Variants in GRID2 observed in about 807,000 individuals in gnomAD.
GRID2 encodes glutamate ionotropic receptor delta type subunit 2.
GRID2 carries 33 observed loss-of-function variants against 114.8 expected under a neutral mutation model. The observed-to-expected ratio is 0.29, with a 90% CI of 0.22 to 0.38. The LOEUF is 0.38. GRID2 is among the 10% of genes least tolerant of loss of function. GRID2 has a pLI of 1.00. For synonymous variants in GRID2, 505 were observed against 449.9 expected (o/e 1.12, Z -1.55); for missense variants, 1,184 against 1,257.7 (o/e 0.94, Z 0.89).
chr4:92,443,334 A>G (rs1733226295), intron 1 of GRID2, among the ~76,000 whole-genome samples: 1 of 152,120 alleles, frequency 6.6e-6, no homozygotes, highest in East Asian at 1.9e-4. Flanking sequence ...TGCAGAAGAA[A>G]ATAAGGCATT....
chr4:93,449,672 T>G (rs960576010), intron 10 of GRID2, among the ~76,000 whole-genome samples: 4 of 152,018 alleles, frequency 2.6e-5, no homozygotes, highest in African/African-American at 7.2e-5. Context: ...TATAGGTGAT[T>G]GAAAAGCTAT....
chr4:93,073,816 A>C (rs762587382), intron 2 of GRID2, among the ~76,000 whole-genome samples: 15 of 152,190 alleles, frequency 9.9e-5, no homozygotes, highest in Non-Finnish European at 1.9e-4. Context: ...CTCTCCAGAG[A>C]CCAATCACAA....
intron 1 of GRID2, among the ~76,000 whole-genome samples, chr4:92,379,925 C>A (rs906483535): frequency 6.6e-6 from 1 of 151,832 alleles, no homozygotes; most frequent in Non-Finnish European, 1.5e-5. Context: ...TGTAGAGGTG[C>A]CAGGCTGCAC....
At chr4:92,805,087 A>G (rs1056715202) in intron 2 of GRID2, among the ~76,000 whole-genome samples, 2 of 152,000 alleles carry the variant, frequency 1.3e-5, no homozygotes, top group African/African-American at 4.8e-5. Context: ...GCAGATAGGT[A>G]ACTATTATTA....
intron 13 of GRID2, among the ~76,000 whole-genome samples, chr4:93,565,146 G>A (rs1382673137): frequency 2.6e-5 from 4 of 151,768 alleles, no homozygotes; most frequent in Non-Finnish European, 5.9e-5. Flanking sequence ...TCTCTTAAAA[G>A]TATAACAATA....
chr4:92,813,152 T>C (rs1482536484), intron 2 of GRID2, among the ~76,000 whole-genome samples: 1 of 152,142 alleles, frequency 6.6e-6, no homozygotes, highest in Non-Finnish European at 1.5e-5. Flanking sequence ...TGAAGGAAAT[T>C]ATGATAAAAA....
At chr4:93,005,977 T>TTTATTTATGATTGC (rs1417703571) in intron 2 of GRID2, among the ~76,000 whole-genome samples, 1 of 152,046 alleles carries the variant, frequency 6.6e-6, no homozygotes, top group Non-Finnish European at 1.5e-5. Context: ...TCTAACTTAG[T>TTTATTTATGATTGC]TTATTTATGA....
intron 2 of GRID2, among the ~76,000 whole-genome samples, chr4:92,882,042 G>T (rs902169014): frequency 1.3e-5 from 2 of 152,134 alleles, no homozygotes; most frequent in Admixed American, 6.6e-5. Flanking sequence ...GCCAGCTGGG[G>T]CAGATTATGG....
At chr4:92,848,632 A>C (rs960833271) in intron 2 of GRID2, among the ~76,000 whole-genome samples, 1 of 151,910 alleles carries the variant, frequency 6.6e-6, no homozygotes, top group Admixed American at 6.6e-5. Flanking sequence ...TTGTCAAGTT[A>C]ATGGGTAACT....
At chr4:93,694,443 A>G (rs1474057887) in intron 14 of GRID2, among the ~76,000 whole-genome samples, 1 of 152,182 alleles carries the variant, frequency 6.6e-6, no homozygotes, top group East Asian at 1.9e-4. Context: ...TGCTTTGGCT[A>G]CTGTCATGTA....
intron 1 of GRID2, among the ~76,000 whole-genome samples, chr4:92,538,363 T>C (rs1725756928): frequency 6.6e-6 from 1 of 152,222 alleles, no homozygotes; most frequent in Non-Finnish European, 1.5e-5. Flanking sequence ...AAATTGAGTG[T>C]ACAGGGATGC....
At chr4:93,482,798 A>G (rs147696586) in intron 11 of GRID2, among the ~76,000 whole-genome samples, 18 of 152,122 alleles carry the variant, frequency 1.2e-4, no homozygotes, top group African/African-American at 4.3e-4. Context: ...TCCCTACCAC[A>G]AAAAGCCATC....
chr4:92,767,979 T>C (rs1420379214), intron 2 of GRID2, among the ~76,000 whole-genome samples: 1 of 152,108 alleles, frequency 6.6e-6, no homozygotes, highest in East Asian at 1.9e-4. Flanking sequence ...TTACTTATGC[T>C]TATTTTGTAT....
At chr4:93,107,683 C>A (rs115738006) in intron 3 of GRID2, among the ~76,000 whole-genome samples, 3 of 152,000 alleles carry the variant, frequency 2.0e-5, no homozygotes, top group South Asian at 2.1e-4. Flanking sequence ...TTAGTAGAGA[C>A]GAGGTTTACC....
intron 1 of GRID2, among the ~76,000 whole-genome samples, chr4:92,320,363 A>G (rs964846127): frequency 5.3e-5 from 8 of 152,130 alleles, no homozygotes; most frequent in Non-Finnish European, 5.9e-5. Flanking sequence ...AAGTATATTC[A>G]GGGTACTTAT....
At chr4:92,784,502 T>C (rs2149360476) in intron 2 of GRID2, among the ~76,000 whole-genome samples, 1 of 151,988 alleles carries the variant, frequency 6.6e-6, no homozygotes, top group East Asian at 1.9e-4. Context: ...TTCATGAGTA[T>C]ATACTTTTAC....
intron 2 of GRID2, among the ~76,000 whole-genome samples, chr4:92,862,174 C>T (rs2149436137): frequency 6.6e-6 from 1 of 152,136 alleles, no homozygotes; most frequent in Non-Finnish European, 1.5e-5. Flanking sequence ...ACCTTTCTAA[C>T]ATTTTGGGAC....
intron 2 of GRID2, among the ~76,000 whole-genome samples, chr4:92,716,221 A>C (rs1241031302): frequency 6.6e-6 from 1 of 152,184 alleles, no homozygotes; most frequent in East Asian, 1.9e-4. Context: ...AGATTGTTTC[A>C]TGAAAGTTAG....
chr4:93,022,092 T>A (rs1422061937), intron 2 of GRID2, among the ~76,000 whole-genome samples: 5 of 151,744 alleles, frequency 3.3e-5, no homozygotes, highest in South Asian at 4.1e-4. Context: ...TTCTTGAATC[T>A]AAGATATTTA....
Sources: allele counts gnomAD v4.1 joint callset (sites outside exome capture counted in the v4.1 genomes callset), GRCh38; gene constraint gnomAD v4.1.1; transcripts MANE v1.5; gene names NCBI Gene and HGNC (gene_info 2026-07-23, HGNC 2026-07-21).